Variants in SLC9A9 observed in about 807,000 individuals in gnomAD.
SLC9A9 encodes the protein sodium/hydrogen exchanger 9.
Under a neutral mutation model 77.8 loss-of-function variants are expected in SLC9A9, and 62 were observed. The ratio of observed to expected loss-of-function variants is 0.80; its 90% CI spans 0.65 to 0.98. The LOEUF (loss-of-function observed/expected upper bound fraction) is 0.98. Ranked by LOEUF, SLC9A9 falls within the 50% of genes least tolerant of loss-of-function variation. The pLI, the probability that SLC9A9 is intolerant of heterozygous loss-of-function variation, is 0.00. For synonymous variants in SLC9A9, 320 were observed against 283.5 expected (o/e 1.13, Z -1.29); for missense variants, 775 against 774.9 (o/e 1.00, Z 0.00).
At chr3:143,836,233 T>C (rs1164437712) in intron 1 of SLC9A9, among the ~76,000 whole-genome samples, 1 of 152,240 alleles carries the variant, frequency 6.6e-6, no homozygotes, top group African/African-American at 2.4e-5. Context: ...CCACACACTT[T>C]AGAAACCAGT....
At chr3:143,619,218 C>T (rs1209369635) in intron 6 of SLC9A9, among the ~76,000 whole-genome samples, 1 of 152,134 alleles carries the variant, frequency 6.6e-6, no homozygotes. Flanking sequence ...GAAGATGCTG[C>T]CACTATAAAG....
intron 9 of SLC9A9, among the ~76,000 whole-genome samples, chr3:143,511,702 T>G (rs1240518634): frequency 6.6e-6 from 1 of 152,198 alleles, no homozygotes; most frequent in East Asian, 1.9e-4. Context: ...ACGTAGTCTG[T>G]GGCCTAAGCC....
rs76374711 is a variant in SLC9A9 at position 143,270,779 on chromosome 3, A to G, written c.1605-1799T>C. Among the ~76,000 whole-genome samples, 1,396 of 152,346 alleles carry G rather than the reference A, an allele frequency of 9.2e-3. 25 individuals carry two copies. Among genetic ancestry groups the G allele is most frequent in the South Asian group, 0.066 (319 of 4,818 alleles). ...CTGAAAAAGCCAAAATAATGTTACAAAAGTAAAATATAAGTTTAGGATTGT... is the reference window on the plus strand; with the variant it reads ...CTGAAAAAGCCAAAATAATGTTACAGAAGTAAAATATAAGTTTAGGATTGT... On this transcript the variant is annotated intron_variant, in intron 14 of 15. Transcript: ENST00000316549.
At chr3:143,435,157 A>G (rs1212297327) in intron 12 of SLC9A9, among the ~76,000 whole-genome samples, 1 of 151,836 alleles carries the variant, frequency 6.6e-6, no homozygotes, top group East Asian at 1.9e-4. Context: ...AATATTATCT[A>G]ATATTTTATA....
intron 14 of SLC9A9, among the ~76,000 whole-genome samples, chr3:143,285,611 T>G (rs115039200): frequency 0.019 from 2,940 of 152,250 alleles, 33 homozygotes; most frequent in Non-Finnish European, 0.031. Context: ...AGAAAAGACC[T>G]CCACTTCTCT....
chr3:143,402,058 G>C (rs2033874422), intron 12 of SLC9A9, among the ~76,000 whole-genome samples: 1 of 152,076 alleles, frequency 6.6e-6, no homozygotes, highest in South Asian at 2.1e-4. Flanking sequence ...ACCAGTCTCA[G>C]AACTGTAAGT....
chr3:143,403,512 T>C (rs2033907543), intron 12 of SLC9A9, among the ~76,000 whole-genome samples: 1 of 152,176 alleles, frequency 6.6e-6, no homozygotes, highest in African/African-American at 2.4e-5. Context: ...TAAAAAAAAC[T>C]TCCTTAGTAA....
chr3:143,720,303 G>T (rs920898287), intron 4 of SLC9A9, among the ~76,000 whole-genome samples: 2 of 151,706 alleles, frequency 1.3e-5, no homozygotes, highest in South Asian at 4.2e-4. Context: ...CACATTCCAA[G>T]ATTTCTGTCC....
At chr3:143,602,440 C>T (rs993913094) in intron 6 of SLC9A9, among the ~76,000 whole-genome samples, 1 of 152,160 alleles carries the variant, frequency 6.6e-6, no homozygotes, top group Non-Finnish European at 1.5e-5. Flanking sequence ...GTCAATTGCT[C>T]GAAACATTCA....
chr3:143,835,438 C>T lies in SLC9A9; in HGVS notation c.176-3217G>A, dbSNP rs530304169. ...CATTTGTGCACTCTTGCTGCAGCAGCGGCAGCTGGAAAATCCTTATTTGTC... is the reference window on the plus strand; with the variant it reads ...CATTTGTGCACTCTTGCTGCAGCAGTGGCAGCTGGAAAATCCTTATTTGTC... On this transcript the variant is annotated intron_variant, in intron 1 of 15. Coordinates refer to ENST00000316549, the MANE Select transcript of SLC9A9 (RefSeq NM_173653.4). 7.2e-5 allele frequency among the ~76,000 whole-genome samples: 11 copies of T among 152,342 alleles called. No individual in the cohort carries two copies. The East Asian group carries it at 1.7e-3, about 24-fold the overall frequency.
At chr3:143,498,830 G>A (rs977358644) in intron 9 of SLC9A9, among the ~76,000 whole-genome samples, 8 of 151,818 alleles carry the variant, frequency 5.3e-5, no homozygotes, top group South Asian at 4.2e-4. Flanking sequence ...ACATACCCTC[G>A]CATTTGTCAT....
chr3:143,822,740 G>A (rs1023386703), intron 2 of SLC9A9, among the ~76,000 whole-genome samples: 3 of 152,198 alleles, frequency 2.0e-5, no homozygotes, highest in African/African-American at 7.2e-5. Flanking sequence ...AAGCAATGGG[G>A]AAAAGAATTG....
chr3:143,841,408 A>G (rs1214681813), intron 1 of SLC9A9, among the ~76,000 whole-genome samples: 2 of 152,250 alleles, frequency 1.3e-5, no homozygotes, highest in African/African-American at 4.8e-5. Context: ...TAAAGTGCTT[A>G]TAATAGCATA....
chr3:143,545,513 C>T lies in SLC9A9; in HGVS notation c.1089+6849G>A, dbSNP rs200694041. Among the ~76,000 whole-genome samples, 17 of 152,340 alleles carry T rather than the reference C, an allele frequency of 1.1e-4. No individual in the cohort carries two copies. In the East Asian group the frequency reaches 3.3e-3, roughly 29 times the overall value. On this transcript the variant is annotated intron_variant, in intron 9 of 15. Coordinates refer to ENST00000316549, the MANE Select transcript of SLC9A9 (RefSeq NM_173653.4). ...GGCTTCCAGCATGGTGCCAACCATG[C>T]AACTACTGTAGTTCTTAGAACACAA...
intron 1 of SLC9A9, among the ~76,000 whole-genome samples, chr3:143,843,475 T>G (rs987849585): frequency 1.3e-5 from 2 of 152,228 alleles, no homozygotes; most frequent in Non-Finnish European, 2.9e-5. Flanking sequence ...TTAAAGAATC[T>G]GAAAACGCTT....
chr3:143,316,146 G>A (rs2031204070), intron 14 of SLC9A9, among the ~76,000 whole-genome samples: 1 of 152,150 alleles, frequency 6.6e-6, no homozygotes, highest in South Asian at 2.1e-4. Flanking sequence ...AACGGCCCAG[G>A]CAGAAACATT....
In SLC9A9 at chr3:143,552,456, A is replaced by G; in HGVS notation, c.1001-6T>C. On this transcript the variant is annotated splice_polypyrimidine_tract_variant and splice_region_variant and intron_variant, in intron 8 of 15. Coordinates refer to ENST00000316549, the MANE Select transcript of SLC9A9 (RefSeq NM_173653.4). ...GAAGAGAACAGCAACTATCCCTGAA[A>G]TTAAAAAAACAGATCAGTCAAAACC... 1 of 1,612,350 alleles carries G rather than the reference A, an allele frequency of 6.2e-7. No homozygotes were observed. Among genetic ancestry groups the G allele is most frequent in the Non-Finnish European group, 8.5e-7 (1 of 1,179,082 alleles).
intron 4 of SLC9A9, among the ~76,000 whole-genome samples, chr3:143,759,199 T>A (rs2007029271): frequency 6.6e-6 from 1 of 152,070 alleles, no homozygotes. Context: ...ACACTGCTAT[T>A]TCCTGGATGA....
chr3:143,402,978 C>G (rs1007094667), intron 12 of SLC9A9, among the ~76,000 whole-genome samples: 8 of 144,064 alleles, frequency 5.6e-5, no homozygotes, highest in East Asian at 4.2e-4. Flanking sequence ...TTCTTAGACT[C>G]TGCTTTGGAT....
Sources: allele counts gnomAD v4.1 joint callset (sites outside exome capture counted in the v4.1 genomes callset), GRCh38; gene constraint gnomAD v4.1.1; transcripts MANE v1.5; gene names NCBI Gene and HGNC (gene_info 2026-07-23, HGNC 2026-07-21).